EPB41L2: variants seen among roughly 807,000 people sequenced by gnomAD.
EPB41L2 encodes the protein band 4.1-like protein 2.
EPB41L2 carries 43 observed loss-of-function variants against 113.0 expected under a neutral mutation model. The observed-to-expected ratio is 0.38, with a 90% confidence interval of 0.30 to 0.49. The LOEUF is 0.49. EPB41L2 is among the 20% of genes least tolerant of loss of function. The pLI, the probability that EPB41L2 is intolerant of heterozygous loss-of-function variation, is 0.95. For missense variants in EPB41L2, 1,147 were observed against 1,223.4 expected (o/e 0.94, Z 0.93); for synonymous variants, 442 against 436.7 (o/e 1.01, Z -0.15).
chr6:131,048,899 A>G (rs9689026), intron 1 of EPB41L2, among the ~76,000 whole-genome samples: 122,122 of 151,474 alleles, frequency 0.81, 49,696 homozygotes, highest in African/African-American at 0.9. Context: ...AAACCTAACC[A>G]GAAAAAAAAA....
chr6:131,034,673 G>A (rs1415118302), intron 1 of EPB41L2, among the ~76,000 whole-genome samples: 1 of 152,192 alleles, frequency 6.6e-6, no homozygotes, highest in Non-Finnish European at 1.5e-5. Flanking sequence ...GCTTGAACAT[G>A]TCACTTATCC....
chr6:130,911,178 C>T (rs187592359), intron 4 of EPB41L2, among the ~76,000 whole-genome samples: 1,575 of 152,238 alleles, frequency 0.01, 36 homozygotes, highest in African/African-American at 0.036. Context: ...ATATACACCA[C>T]GAAATACTAT....
intron 4 of EPB41L2, among the ~76,000 whole-genome samples, chr6:130,915,826 C>T (rs1187489976): frequency 6.6e-6 from 1 of 152,156 alleles, no homozygotes; most frequent in Non-Finnish European, 1.5e-5. Flanking sequence ...CTCTCTCTCT[C>T]TGCCTGCCAC....
At chr6:130,878,507 T>G in intron 13 of EPB41L2, 1 of 341,376 alleles carries the variant, frequency 2.9e-6, no homozygotes, top group Non-Finnish European at 5.3e-6. Flanking sequence ...TTCTTCTCTA[T>G]TTAGGATTTT....
At chr6:131,003,982 GTACT>G (rs1468465661) in intron 1 of EPB41L2, among the ~76,000 whole-genome samples, 5 of 151,894 alleles carry the variant, frequency 3.3e-5, no homozygotes, top group African/African-American at 1.2e-4. Flanking sequence ...AGGAAGCCCT[GTACT>G]TACAACTTAT....
intron 6 of EPB41L2, among the ~76,000 whole-genome samples, chr6:130,903,277 T>G (rs765264496): frequency 1.3e-5 from 2 of 152,070 alleles, no homozygotes; most frequent in Non-Finnish European, 2.9e-5. Context: ...TGCCATTCGG[T>G]CAGGTTTTAT....
intron 6 of EPB41L2, among the ~76,000 whole-genome samples, chr6:130,901,406 A>ATG (rs201038200): frequency 0.012 from 1,750 of 152,018 alleles, 41 homozygotes; most frequent in African/African-American, 0.041. Context: ...GCTAATTTAT[A>ATG]TGTGTGTGTG....
At chr6:130,998,341 A>C (rs768352367) in intron 1 of EPB41L2, among the ~76,000 whole-genome samples, 13 of 152,340 alleles carry the variant, frequency 8.5e-5, no homozygotes, top group Non-Finnish European at 7.3e-5. Flanking sequence ...ATAACACCAT[A>C]CAAAAATGGA....
chr6:131,032,939 A>G (rs2128752133), intron 1 of EPB41L2, among the ~76,000 whole-genome samples: 1 of 152,300 alleles, frequency 6.6e-6, no homozygotes, highest in South Asian at 2.1e-4. Flanking sequence ...GCAGTGGCAC[A>G]ATCTCAGCTT....
At chr6:130,876,861 T>C (rs1331922009) in intron 14 of EPB41L2, 2 of 711,252 alleles carry the variant, frequency 2.8e-6, no homozygotes, top group Non-Finnish European at 4.1e-6. Flanking sequence ...ACTGACCCAG[T>C]GTGGGTCAAT....
intron 1 of EPB41L2, among the ~76,000 whole-genome samples, chr6:130,974,633 T>C (rs1777710335): frequency 6.6e-6 from 1 of 151,654 alleles, no homozygotes; most frequent in South Asian, 2.1e-4. Flanking sequence ...TTATGAGTGG[T>C]AGAGCCAAAA....
At chr6:131,017,153 C>T (rs550910550) in intron 1 of EPB41L2, among the ~76,000 whole-genome samples, 2 of 152,128 alleles carry the variant, frequency 1.3e-5, no homozygotes, top group Non-Finnish European at 2.9e-5. Flanking sequence ...TCCTACCTGT[C>T]ATATTATCTC....
chr6:130,908,727 C>A, intron 5 of EPB41L2, 94 bp downstream of exon 5: 3 of 953,388 alleles, frequency 3.1e-6, no homozygotes, highest in Non-Finnish European at 3.1e-6. Flanking sequence ...GGCATAAATG[C>A]AAAATAGAAC....
chr6:130,976,475 A>T (rs1404564052), intron 1 of EPB41L2, among the ~76,000 whole-genome samples: 2 of 152,128 alleles, frequency 1.3e-5, no homozygotes, highest in African/African-American at 4.8e-5. Flanking sequence ...TTTAAGATGT[A>T]ATGTTGAAAA....
chr6:130,844,614 G>A (rs1265064675), intron 19 of EPB41L2, among the ~76,000 whole-genome samples: 1 of 152,104 alleles, frequency 6.6e-6, no homozygotes, highest in Non-Finnish European at 1.5e-5. Flanking sequence ...GCACTCAGGT[G>A]TAAAATTAAA....
At chr6:130,908,743 A>G in intron 5 of EPB41L2, 78 bp downstream of exon 5, 1 of 1,107,004 alleles carries the variant, frequency 9.0e-7, no homozygotes, top group Non-Finnish European at 1.3e-6. Context: ...AGAACTGACC[A>G]TTCTATTACT....
At chr6:130,938,852 T>G (rs1314068272) in intron 3 of EPB41L2, among the ~76,000 whole-genome samples, 1 of 152,166 alleles carries the variant, frequency 6.6e-6, no homozygotes, top group Non-Finnish European at 1.5e-5. Flanking sequence ...TGATCCTCTG[T>G]TACTTAGCTG....
chr6:130,909,376 G>A (rs909357138), intron 4 of EPB41L2, among the ~76,000 whole-genome samples: 1 of 152,110 alleles, frequency 6.6e-6, no homozygotes, highest in Non-Finnish European at 1.5e-5. Context: ...CTCTATAATT[G>A]TAAGGAGAGG....
intron 19 of EPB41L2, among the ~76,000 whole-genome samples, chr6:130,855,037 C>CAAAT (rs772571071): frequency 4.6e-5 from 7 of 151,548 alleles, no homozygotes; most frequent in East Asian, 1.9e-4. Flanking sequence ...TACTTTGTCT[C>CAAAT]AAATAAATAA....
Sources: gnomAD v4.1 joint callset for allele counts (sites outside exome capture counted in the v4.1 genomes callset) on GRCh38, gnomAD v4.1.1 for gene constraint, MANE v1.5 for transcripts, NCBI Gene and HGNC (gene_info 2026-07-23, HGNC 2026-07-21) for gene names.